The following SYBU variants were observed in gnomAD, a reference collection of about 807,000 sequenced individuals.
SYBU encodes syntabulin.
In SYBU, 21 loss-of-function variants were observed where a neutral mutation model predicts 35.9. The ratio of observed to expected loss-of-function variants is 0.58; its 90% CI spans 0.41 to 0.84. The LOEUF (loss-of-function observed/expected upper bound fraction) is 0.84, where lower values mean the gene tolerates loss of function less well. Among genes scored for constraint, SYBU ranks in the 40% least tolerant of loss-of-function variants. SYBU has a pLI of 0.00. For synonymous variants in SYBU, 319 were observed against 324.3 expected (o/e 0.98, Z 0.18); for missense variants, 768 against 848.2 (o/e 0.91, Z 1.17).
At chr8:109,680,957 G>C (rs1322070988) in exon 1 of SYBU, 1 of 152,228 alleles carries the variant, frequency 6.6e-6, no homozygotes, top group African/African-American at 2.4e-5. Context: ...CTTACTCAGG[G>C]AACACTGACG....
At chr8:109,672,909 C>G (rs190578994) in intron 1 of SYBU, among the ~76,000 whole-genome samples, 162 of 152,330 alleles carry the variant, frequency 1.1e-3, no homozygotes, top group Admixed American at 3.7e-3. Flanking sequence ...GTAAACAAAG[C>G]CACTGGGAAG....
rs191156452 is a variant in SYBU at position 109,626,044 on chromosome 8, G to T, written c.230-7005C>A. 1.2e-4 allele frequency among the ~76,000 whole-genome samples: 19 copies of T among 152,246 alleles called. No individual in the cohort carries two copies. The East Asian group carries it at 3.7e-3, about 29-fold the overall frequency. On this transcript the variant is annotated intron_variant, in intron 2 of 6. Transcript: ENST00000276646. ...TTACATGTATTTAATTGTTTGTGAAGCTCAATGTCTTTGTATGTTCATTGA... is the reference window on the plus strand; with the variant it reads ...TTACATGTATTTAATTGTTTGTGAATCTCAATGTCTTTGTATGTTCATTGA...
At chr8:109,591,714 G>A (rs957660182) in intron 3 of SYBU, among the ~76,000 whole-genome samples, 4 of 150,976 alleles carry the variant, frequency 2.6e-5, no homozygotes, top group Admixed American at 6.6e-5. Flanking sequence ...GGGTTTCACC[G>A]TGTTAGCCAG....
intron 1 of SYBU, among the ~76,000 whole-genome samples, chr8:109,673,484 A>G (rs1367491804): frequency 3.3e-5 from 5 of 152,200 alleles, no homozygotes; most frequent in African/African-American, 4.8e-5. Flanking sequence ...AAGAAATAGC[A>G]TCAACATCAA....
In SYBU at chr8:109,663,293, ATAGATAGG is replaced by A. The variant is rs1392615056; in HGVS notation, c.-129+17410_-129+17417del. On this transcript the variant is annotated intron_variant, in intron 1 of 5. Transcript: ENST00000408889. ...GATAGATAGATAGATAGATAGATAG[ATAGATAGG>A]TAGATAGATACCAATAGAATAAAGG... Among the ~76,000 whole-genome samples, 498 of 151,560 alleles carry A rather than the reference ATAGATAGG, an allele frequency of 3.3e-3. 1 individual carries two copies. The highest frequency in any genetic ancestry group is 0.011 in the African/African-American group (448 of 41,334).
intron 1 of SYBU, 92 bp downstream of exon 1, chr8:109,644,544 T>C (rs11774663): frequency 0.35 from 500,797 of 1,417,394 alleles, 92,956 homozygotes; most frequent in African/African-American, 0.63. Flanking sequence ...AGACTCTAAA[T>C]GTCACCCCTC....
chr8:109,611,910 G>C (rs962953060), intron 3 of SYBU, among the ~76,000 whole-genome samples: 2 of 152,168 alleles, frequency 1.3e-5, no homozygotes, highest in Non-Finnish European at 1.5e-5. Flanking sequence ...CATATGGACT[G>C]TATCAGCTAA....
intron 1 of SYBU, among the ~76,000 whole-genome samples, chr8:109,690,438 T>G (rs1817620535): frequency 6.6e-6 from 1 of 152,218 alleles, no homozygotes. Context: ...GGTTCAAATG[T>G]GGCCCTTTTC....
chr8:109,581,352 A>C (rs1823011249), intron 4 of SYBU, among the ~76,000 whole-genome samples: 1 of 152,142 alleles, frequency 6.6e-6, no homozygotes, highest in Non-Finnish European at 1.5e-5. Context: ...GCACACACAC[A>C]CCCACCCCTT....
At chr8:109,690,312 T>C (rs1422870335) in intron 1 of SYBU, among the ~76,000 whole-genome samples, 1 of 152,214 alleles carries the variant, frequency 6.6e-6, no homozygotes, top group Non-Finnish European at 1.5e-5. Flanking sequence ...AGAGAATACC[T>C]GACTCCTTTT....
intron 2 of SYBU, among the ~76,000 whole-genome samples, chr8:109,642,319 T>C (rs1814987321): frequency 6.6e-6 from 1 of 152,026 alleles, no homozygotes; most frequent in African/African-American, 2.4e-5. Flanking sequence ...AGGAGAGGGA[T>C]AGCATTAGGA....
chr8:109,675,944 A>G (rs1179600084), intron 1 of SYBU, among the ~76,000 whole-genome samples: 5 of 152,234 alleles, frequency 3.3e-5, no homozygotes, highest in Admixed American at 1.3e-4. Flanking sequence ...ATCCACCATG[A>G]TCAAGTTGGT....
At chr8:109,611,449 C>G (rs1811161010) in intron 3 of SYBU, among the ~76,000 whole-genome samples, 1 of 151,960 alleles carries the variant, frequency 6.6e-6, no homozygotes, top group East Asian at 1.9e-4. Flanking sequence ...AAGATAAACA[C>G]TAAGTCCACT....
chr8:109,609,943 C>A (rs1012235870), intron 3 of SYBU, among the ~76,000 whole-genome samples: 3 of 152,090 alleles, frequency 2.0e-5, no homozygotes, highest in Non-Finnish European at 2.9e-5. Flanking sequence ...TCTACAGAGT[C>A]GTCAGAGGGA....
rs1482752906 is a variant in SYBU at position 109,642,821 on chromosome 8, CAG to C, written c.134_135del (p.Ser45Ter). 3.7e-6 allele frequency: 6 copies of C among 1,613,436 alleles called. No homozygotes were observed. The highest frequency in any genetic ancestry group is 5.1e-6 in the Non-Finnish European group (6 of 1,179,748). On this transcript the variant is annotated frameshift_variant, in exon 2 of 7. Coordinates refer to ENST00000276646, the MANE Select transcript of SYBU (RefSeq NM_001099754.2). LOFTEE classifies it high-confidence loss of function. Reference protein sequence around the residue: ...PQQQHKVSPASESPFSEEESR... With the variant: ...PQQQHKVSPAXESPFSEEESR... Reference sequence around the variant, plus strand: ...CTCTCTTCCTCAGAGAAAGGAGACTCAGAGGCTGGGGACACTTTGTGCTGTTG... The same window carrying C: ...CTCTCTTCCTCAGAGAAAGGAGACTCAGGCTGGGGACACTTTGTGCTGTTG...
rs1822220505 is a variant in SYBU, at chr8:109,575,842, A to C, written c.1056T>G (p.Asp352Glu). Residue 352 changes from aspartate to glutamate, a missense_variant, in exon 7 of 7, where the codon GAT becomes GAG. Physicochemically the swap from Asp to Glu is conservative, Grantham distance 45. Transcript: ENST00000276646. ...CCACAAAATATTTCTGAATGCCTTT[A>C]TCTTTATCAGCCAAGCTGCTCCGCA... Reference protein sequence around the residue: ...ETMRSSLADKDKGIQKYFVDI... With the variant: ...ETMRSSLADKEKGIQKYFVDI... 4 of 1,613,794 alleles carry C rather than the reference A, an allele frequency of 2.5e-6. No individual in the cohort carries two copies. The highest frequency in any genetic ancestry group is 3.4e-6 in the Non-Finnish European group (4 of 1,179,964).
At chr8:109,608,283 C>T (rs958373025) in intron 3 of SYBU, among the ~76,000 whole-genome samples, 1 of 152,184 alleles carries the variant, frequency 6.6e-6, no homozygotes, top group Non-Finnish European at 1.5e-5. Context: ...AAGATGAATC[C>T]TCGGACAATA....
intron 3 of SYBU, chr8:109,586,404 G>C: frequency 2.0e-6 from 1 of 494,752 alleles, no homozygotes; most frequent in East Asian, 3.5e-5. Flanking sequence ...AAAGAGGCCA[G>C]TCTTCCTGCA....
At chr8:109,669,274 G>A (rs1014270392) in intron 1 of SYBU, among the ~76,000 whole-genome samples, 10 of 150,362 alleles carry the variant, frequency 6.7e-5, no homozygotes, top group South Asian at 2.1e-4. Context: ...CCCAGGAGGC[G>A]GAGCTTGCAG....
Sources: allele counts gnomAD v4.1 joint callset (sites outside exome capture counted in the v4.1 genomes callset), GRCh38; gene constraint gnomAD v4.1.1; transcripts MANE v1.5; gene names NCBI Gene and HGNC (gene_info 2026-07-23, HGNC 2026-07-21).